TTYH2: variants seen among roughly 807,000 people sequenced by gnomAD.
TTYH2 encodes tweety family member 2.
A neutral mutation model predicts 68.3 loss-of-function variants in TTYH2; 49 were observed. The ratio of observed to expected loss-of-function variants is 0.72; its 90% CI spans 0.57 to 0.91. The LOEUF (loss-of-function observed/expected upper bound fraction) is 0.91. Among genes scored for constraint, TTYH2 ranks in the 40% least tolerant of loss-of-function variants. The pLI, the probability that TTYH2 is intolerant of heterozygous loss-of-function variation, is 0.00. For missense variants in TTYH2, 631 were observed against 700.4 expected, an observed-to-expected ratio of 0.90 and a Z score of 1.12; for synonymous variants, 272 against 300.8, an observed-to-expected ratio of 0.90 and a Z score of 0.99.
At chr17:74,223,320 T>G (rs1373687106) in intron 2 of TTYH2, among the ~76,000 whole-genome samples, 2 of 151,712 alleles carry the variant, frequency 1.3e-5, no homozygotes, top group Admixed American at 1.3e-4. Context: ...GAGACAGGCT[T>G]TCATCAAGTT....
chr17:74,238,840 C>T (rs902173396), intron 4 of TTYH2, among the ~76,000 whole-genome samples: 1 of 151,202 alleles, frequency 6.6e-6, no homozygotes, highest in African/African-American at 2.4e-5. Flanking sequence ...ACACTCCAGC[C>T]TCAGCAACAA....
At chr17:74,252,135 A>G in intron 10 of TTYH2, 99 bp from the exon 11 acceptor site, 2 of 1,499,370 alleles carry the variant, frequency 1.3e-6, no homozygotes, top group Non-Finnish European at 1.8e-6. Flanking sequence ...AGGAGACCCC[A>G]GGTCCAGGCT....
At chr17:74,221,147 C>T (rs1426923729) in intron 1 of TTYH2, among the ~76,000 whole-genome samples, 1 of 152,208 alleles carries the variant, frequency 6.6e-6, no homozygotes, top group Admixed American at 6.5e-5. Flanking sequence ...AGTGAGCCAT[C>T]TCTCCTGCCT....
At chr17:74,242,399 G>T (rs1009033576) in intron 4 of TTYH2, among the ~76,000 whole-genome samples, 1 of 152,066 alleles carries the variant, frequency 6.6e-6, no homozygotes, top group African/African-American at 2.4e-5. Flanking sequence ...GTTTTTTGTT[G>T]TTGTTGTTTT....
chr17:74,249,237 C>T, intron 7 of TTYH2, 107 bp from the exon 8 acceptor site: 2 of 1,571,846 alleles, frequency 1.3e-6, no homozygotes, highest in Non-Finnish European at 8.7e-7. Flanking sequence ...AAGTGCCTCC[C>T]TTGGGAGCTC....
At position 74,217,802 on chromosome 17, in the gene TTYH2, G is replaced by A. The variant is rs1317013554; in HGVS notation, c.129+4086G>A. ...ATGGTCACTGCGGCCCCCAACTTGG[G>A]TCCCAGCTTGGCACTCTCCGCTCTG... is the stretch of plus-strand genomic sequence containing the variant. On this transcript the variant is annotated intron_variant, in intron 1 of 13. Coordinates refer to ENST00000269346, the MANE Select transcript of TTYH2 (RefSeq NM_032646.6). This position sits in a 1 kb window ranked among gnomAD's most constrained non-coding sequence, Gnocchi z 4.0. Among the ~76,000 whole-genome samples the A allele has an allele frequency of 1.3e-5, 2 of 152,174 alleles. No individual in the cohort carries two copies. The highest frequency in any genetic ancestry group is 1.5e-5 in the Non-Finnish European group (1 of 68,038).
At position 74,222,512 on chromosome 17, in the gene TTYH2, G is replaced by A. The variant is rs149190535; in HGVS notation, c.157G>A (p.Ala53Thr). The change falls in exon 2 of 14, where the codon GCC becomes ACC. Residue 53 changes from alanine (A) to threonine (T), a missense_variant. Physicochemically the swap from Ala to Thr is moderately conservative, Grantham distance 58. Coordinates refer to ENST00000269346, the MANE Select transcript of TTYH2 (RefSeq NM_032646.6). The surrounding 1 kb of genome is among the most constrained non-coding windows in gnomAD (Gnocchi z 5.2). ...GCTGCTGTTCCTGGGGCTGGTGGCC[G>A]CCGTCTGCCTGGGCCTGAACCTCAT... ...ESLLFLGLVA[A>T]VCLGLNLIFL... 29 of 1,610,676 alleles carry A rather than the reference G, an allele frequency of 1.8e-5. No individual in the cohort carries two copies. The highest frequency in any genetic ancestry group is 8.9e-5 in the East Asian group (4 of 44,878).
chr17:74,223,062 A>AGAACT (rs57930188), intron 2 of TTYH2, among the ~76,000 whole-genome samples: 3,406 of 152,246 alleles, frequency 0.022, 120 homozygotes, highest in African/African-American at 0.078. Context: ...AATAGCTTTT[A>AGAACT]GTGCCGTTAG....
rs111640563 is a variant in TTYH2, at chr17:74,238,520, T to C, written c.635+1006T>C. 9.8e-3 allele frequency among the ~76,000 whole-genome samples: 1,486 copies of C among 152,158 alleles called. 24 individuals carry two copies. Among genetic ancestry groups the C allele is most frequent in the African/African-American group, 0.033 (1,389 of 41,514 alleles). On this transcript the variant is annotated intron_variant, in intron 4 of 13. Coordinates refer to ENST00000269346, the MANE Select transcript of TTYH2 (RefSeq NM_032646.6). ...CTCAAGTGATCCTCCCGCCTCAGCC[T>C]CCTGAGTAGCTGGGACTACAGGCAT...
intron 2 of TTYH2, among the ~76,000 whole-genome samples, chr17:74,226,491 G>A (rs1246396026): frequency 6.6e-6 from 1 of 152,160 alleles, no homozygotes; most frequent in Non-Finnish European, 1.5e-5. Flanking sequence ...GGAGGTCATT[G>A]GTCGCCTTCC....
intron 4 of TTYH2, among the ~76,000 whole-genome samples, chr17:74,242,038 A>G (rs577260324): frequency 4.6e-4 from 70 of 152,338 alleles, no homozygotes; most frequent in African/African-American, 1.7e-3. Flanking sequence ...TTGCCCCATC[A>G]ACCTTTATAT....
In TTYH2 at chr17:74,250,083, C is replaced by T. The variant is rs73996938; in HGVS notation, c.1023+55C>T. ...CCCAGATGAACCCTGACAGCCCTTT[C>T]CCCTGCCCCGGCCCCAGGGCCAGGC... On this transcript the variant is annotated intron_variant, in intron 9 of 13. Coordinates refer to ENST00000269346, the MANE Select transcript of TTYH2 (RefSeq NM_032646.6). The T allele has an allele frequency of 2.5e-3, 3,971 of 1,592,606 alleles. 85 individuals carry two copies. In the African/African-American group the frequency reaches 0.047, roughly 19 times the overall value.
intron 6 of TTYH2, 62 bp from the exon 7 acceptor site, chr17:74,248,949 C>T: frequency 6.2e-7 from 1 of 1,610,332 alleles, no homozygotes; most frequent in Admixed American, 1.7e-5. Flanking sequence ...CCGGCTCCTC[C>T]CAGGGCCCCG....
At chr17:74,254,183 A>T (rs60593368) in intron 13 of TTYH2, among the ~76,000 whole-genome samples, 907 of 55,472 alleles carry the variant, frequency 0.016, 9 homozygotes, top group African/African-American at 0.071. Flanking sequence ...TTATTTATTT[A>T]TTTATTTTTT....
At chr17:74,246,679 C>T (rs563926300) in intron 6 of TTYH2, among the ~76,000 whole-genome samples, 1 of 152,262 alleles carries the variant, frequency 6.6e-6, no homozygotes, top group Admixed American at 6.5e-5. Context: ...GAGTAATGCA[C>T]ACGTGTATTA....
intron 1 of TTYH2, among the ~76,000 whole-genome samples, chr17:74,219,386 T>C (rs2050253439): frequency 9.3e-6 from 1 of 107,662 alleles, no homozygotes; most frequent in African/African-American, 1.5e-4. Flanking sequence ...AGACTCCGTG[T>C]CAAAAAAAAA....
chr17:74,260,276 G>A lies in TTYH2; in HGVS notation c.*67G>A, dbSNP rs886653208. On this transcript the variant is annotated 3_prime_UTR_variant, in exon 14 of 14. Coordinates refer to ENST00000269346, the MANE Select transcript of TTYH2 (RefSeq NM_032646.6). ...TTTAATTAGTGCAAATACAAGCTGC[G>A]TTTCTTTAATAGAAACCAAAGGCAT... 5.9e-6 allele frequency: 9 copies of A among 1,533,920 alleles called. No homozygotes were observed. Among genetic ancestry groups the A allele is most frequent in the South Asian group, 2.2e-5 (2 of 89,498 alleles).
chr17:74,255,460 A>T (rs1394217159), intron 13 of TTYH2, among the ~76,000 whole-genome samples: 2 of 150,104 alleles, frequency 1.3e-5, no homozygotes, highest in South Asian at 2.1e-4. Flanking sequence ...TTTATTTTTT[A>T]TTTTTTTTTG....
At position 74,232,929 on chromosome 17, in the gene TTYH2, T is replaced by A. The variant is rs994423284; in HGVS notation, c.414+1930T>A. Among the ~76,000 whole-genome samples, 1 of 152,138 alleles carries A rather than the reference T, an allele frequency of 6.6e-6. No homozygotes were observed. The highest frequency in any genetic ancestry group is 2.4e-5 in the African/African-American group (1 of 41,432). On this transcript the variant is annotated intron_variant, in intron 3 of 13. Transcript: ENST00000269346. The surrounding 1 kb of genome is among the most constrained non-coding windows in gnomAD (Gnocchi z 5.1). ...GCCTGATGGTGCTCCAGGGCCAGGT[T>A]TGGACATTTCACAGCAGGTTCCACT...
Sources: allele counts gnomAD v4.1 joint callset (sites outside exome capture counted in the v4.1 genomes callset), GRCh38; gene constraint gnomAD v4.1.1; non-coding constraint Gnocchi (gnomAD v3.1); transcripts MANE v1.5; gene names NCBI Gene and HGNC (gene_info 2026-07-23, HGNC 2026-07-21).